The following PRKAG2 variants were observed in gnomAD, a reference collection of about 807,000 sequenced individuals.
PRKAG2 encodes the protein 5'-AMP-activated protein kinase subunit gamma-2.
A neutral mutation model predicts 69.6 loss-of-function variants in PRKAG2; 26 were observed. The ratio of observed to expected loss-of-function variants is 0.37; its 90% CI spans 0.27 to 0.52. PRKAG2 has a LOEUF of 0.52. Ranked by LOEUF, PRKAG2 falls within the 20% of genes least tolerant of loss-of-function variation. PRKAG2 has a pLI of 0.90. For missense variants in PRKAG2, 557 were observed against 740.0 expected, an observed-to-expected ratio of 0.75 and a Z score of 2.87; for synonymous variants, 293 against 285.0, an observed-to-expected ratio of 1.03 and a Z score of -0.28.
chr7:151,721,863 C>T (rs925250024), intron 3 of PRKAG2, among the ~76,000 whole-genome samples: 6 of 152,130 alleles, frequency 3.9e-5, no homozygotes, highest in Non-Finnish European at 5.9e-5. Flanking sequence ...TGTACAAACA[C>T]TACACATACT....
At chr7:151,689,052 T>G (rs1363510032) in intron 3 of PRKAG2, among the ~76,000 whole-genome samples, 1 of 152,242 alleles carries the variant, frequency 6.6e-6, no homozygotes, top group Non-Finnish European at 1.5e-5. Flanking sequence ...AAAATCAGTG[T>G]GATAACCAAA....
chr7:151,771,903 T>C lies in PRKAG2; in HGVS notation c.466+9249A>G, dbSNP rs1227039472. 6.6e-6 allele frequency among the ~76,000 whole-genome samples: 1 copy of C among 152,198 alleles called. No homozygotes were observed. The highest frequency in any genetic ancestry group is 6.5e-5 in the Admixed American group (1 of 15,286). On this transcript the variant is annotated intron_variant, in intron 3 of 15. Transcript: ENST00000287878. The surrounding 1 kb of genome is among the most constrained non-coding windows in gnomAD (Gnocchi z 4.0). ...AGCCATCATCTTGTATTCAGAAGCA[T>C]CAGCCCACATTTTAGAAAGCATTGA...
intron 6 of PRKAG2, among the ~76,000 whole-genome samples, chr7:151,584,001 T>C (rs1333139113): frequency 6.6e-6 from 1 of 152,192 alleles, no homozygotes; most frequent in Non-Finnish European, 1.5e-5. Context: ...AGTAATTAAG[T>C]TGACTGTGAA....
At chr7:151,695,186 CAG>C (rs1836401446) in intron 3 of PRKAG2, among the ~76,000 whole-genome samples, 1 of 152,210 alleles carries the variant, frequency 6.6e-6, no homozygotes, top group Non-Finnish European at 1.5e-5. Flanking sequence ...TGCAGCCCGG[CAG>C]AGTCTGATGA....
At chr7:151,598,602 AG>A (rs896241903) in intron 5 of PRKAG2, among the ~76,000 whole-genome samples, 4 of 152,198 alleles carry the variant, frequency 2.6e-5, no homozygotes, top group Non-Finnish European at 4.4e-5. Context: ...ACTTAAAAAA[AG>A]GAAAAAAGTA....
chr7:151,793,729 G>A (rs544981352), intron 1 of PRKAG2, among the ~76,000 whole-genome samples: 6 of 152,348 alleles, frequency 3.9e-5, no homozygotes, highest in Admixed American at 6.5e-5. Context: ...TGGACAGGCC[G>A]GCCTTGCGCA....
At chr7:151,740,847 G>T (rs1191991149) in intron 3 of PRKAG2, among the ~76,000 whole-genome samples, 2 of 152,108 alleles carry the variant, frequency 1.3e-5, no homozygotes, top group East Asian at 3.9e-4. Flanking sequence ...ATGCCGGAGG[G>T]GACCCCAGCC....
At chr7:151,695,585 A>G (rs1003133300) in intron 3 of PRKAG2, among the ~76,000 whole-genome samples, 2 of 152,146 alleles carry the variant, frequency 1.3e-5, no homozygotes, top group African/African-American at 4.8e-5. Flanking sequence ...CTTTCAACTG[A>G]TTTTGCAAGG....
At chr7:151,646,766 C>T (rs1217661905) in intron 4 of PRKAG2, among the ~76,000 whole-genome samples, 2 of 152,158 alleles carry the variant, frequency 1.3e-5, no homozygotes, top group Non-Finnish European at 2.9e-5. Context: ...ATATGTTACA[C>T]ATATATGTAA....
chr7:151,805,722 G>A (rs1432008889), intron 1 of PRKAG2, among the ~76,000 whole-genome samples: 1 of 152,148 alleles, frequency 6.6e-6, no homozygotes, highest in Non-Finnish European at 1.5e-5. Flanking sequence ...ACTGAGTTTA[G>A]AGGCAATATA....
At chr7:151,560,316 C>A in intron 15 of PRKAG2, 1 of 1,473,286 alleles carries the variant, frequency 6.8e-7, no homozygotes, top group South Asian at 1.2e-5. Context: ...ATGCTCTTAA[C>A]TTCGAATACG....
intron 14 of PRKAG2, among the ~76,000 whole-genome samples, chr7:151,562,244 CAAAAAAAAAAAAAA>C (rs575674668): frequency 5.2e-5 from 2 of 38,460 alleles, no homozygotes; most frequent in South Asian, 1.7e-3. Flanking sequence ...GACTTTGTCT[CAAAAAAAAAAAAAA>C]AAAAAAAAAA....
At position 151,756,446 on chromosome 7, in the gene PRKAG2, G is replaced by A. The variant is rs185366140; in HGVS notation, c.466+24706C>T. Reference sequence around the variant, plus strand: ...AGCACATGGCTCAGGCACACGCAACGACTCAGTGGTGCCTCCAGGCGAGCG... The same window carrying A: ...AGCACATGGCTCAGGCACACGCAACAACTCAGTGGTGCCTCCAGGCGAGCG... On this transcript the variant is annotated intron_variant, in intron 3 of 15. Coordinates refer to ENST00000287878, the MANE Select transcript of PRKAG2 (RefSeq NM_016203.4). This position sits in a 1 kb window ranked among gnomAD's most constrained non-coding sequence, Gnocchi z 4.9. 6.6e-6 allele frequency among the ~76,000 whole-genome samples: 1 copy of A among 152,200 alleles called. No homozygotes were observed.
At chr7:151,864,570 C>CT (rs1386417503) in intron 1 of PRKAG2, among the ~76,000 whole-genome samples, 1 of 152,246 alleles carries the variant, frequency 6.6e-6, no homozygotes, top group Non-Finnish European at 1.5e-5. Flanking sequence ...TGAAAATACT[C>CT]TATTACCTAT....
chr7:151,800,177 GA>G (rs2077760125), intron 1 of PRKAG2, among the ~76,000 whole-genome samples: 1 of 151,918 alleles, frequency 6.6e-6, no homozygotes. Flanking sequence ...CTAACATGGT[GA>G]AACCCTGTCT....
At position 151,818,437 on chromosome 7, in the gene PRKAG2, G is replaced by A. The variant is rs1044127129; in HGVS notation, c.115-31896C>T. Among the ~76,000 whole-genome samples, 6 of 152,016 alleles carry A rather than the reference G, an allele frequency of 3.9e-5. No individual in the cohort carries two copies. In the East Asian group the frequency reaches 5.8e-4, roughly 15 times the overall value. ...GTCAAATGCTGCATGCCAAGCTCAC[G>A]TCCCTGCGATGAGGCATTGCTATGC... On this transcript the variant is annotated intron_variant, in intron 1 of 15. Coordinates refer to ENST00000287878, the MANE Select transcript of PRKAG2 (RefSeq NM_016203.4).
rs958976043 is a variant in PRKAG2 at position 151,814,656 on chromosome 7, G to A, written c.115-28115C>T. The A allele has an allele frequency of 3.2e-6, 4 of 1,231,826 alleles. No individual in the cohort carries two copies. Among genetic ancestry groups the A allele is most frequent in the Non-Finnish European group, 4.0e-6 (4 of 988,012 alleles). 76.3% of individuals were successfully genotyped at this position (1,231,826 alleles called of 1,614,324 possible). On this transcript the variant is annotated intron_variant, in intron 1 of 15. Coordinates refer to ENST00000287878, the MANE Select transcript of PRKAG2 (RefSeq NM_016203.4). This position sits in a 1 kb window ranked among gnomAD's most constrained non-coding sequence, Gnocchi z 4.8. ...TGCCACTGCATGTCTGCAACAGATG[G>A]GGACCGGGGCTGGGTGTGTTCCCAG...
chr7:151,613,593 G>T (rs1003834076), intron 5 of PRKAG2, among the ~76,000 whole-genome samples: 10 of 151,934 alleles, frequency 6.6e-5, no homozygotes, highest in African/African-American at 2.2e-4. Flanking sequence ...TGGCTTCTGG[G>T]TTCAAGTGAT....
chr7:151,865,290 G>A (rs2080036195), intron 1 of PRKAG2, among the ~76,000 whole-genome samples: 1 of 152,252 alleles, frequency 6.6e-6, no homozygotes, highest in Non-Finnish European at 1.5e-5. Context: ...TGGGCGATGG[G>A]CAGACATGCA....
Sources: gnomAD v4.1 joint callset for allele counts (sites outside exome capture counted in the v4.1 genomes callset) on GRCh38, gnomAD v4.1.1 for gene constraint, Gnocchi (gnomAD v3.1) non-coding constraint, MANE v1.5 for transcripts, NCBI Gene and HGNC (gene_info 2026-07-23, HGNC 2026-07-21) for gene names.